VMP1: variants seen among roughly 807,000 people sequenced by gnomAD.
VMP1 encodes the protein ectopic P-granules autophagy protein 3 homolog.
Under a neutral mutation model 56.0 loss-of-function variants are expected in VMP1, and 11 were observed. The ratio of observed to expected loss-of-function variants is 0.20; its 90% CI spans 0.12 to 0.32. The LOEUF is 0.32. Among genes scored for constraint, VMP1 ranks in the 10% least tolerant of loss-of-function variants. VMP1 has a pLI of 1.00. For synonymous variants in VMP1, 149 were observed against 165.0 expected (o/e 0.90, Z 0.74); for missense variants, 296 against 490.3 (o/e 0.60, Z 3.74).
intron 1 of VMP1, among the ~76,000 whole-genome samples, chr17:59,718,268 C>T (rs2034250789): frequency 1.4e-5 from 2 of 141,428 alleles, no homozygotes; most frequent in Admixed American, 7.7e-5. Flanking sequence ...ACAATCTCAG[C>T]TCACTGCAAC....
rs1568157792 is a variant in VMP1 at position 59,792,873 on chromosome 17, A to ATT, written c.715-15923_715-15922insTT. 6.2e-4 allele frequency among the ~76,000 whole-genome samples: 28 copies of ATT among 44,802 alleles called. 1 individual carries two copies. The highest frequency in any genetic ancestry group is 1.3e-3 in the African/African-American group (27 of 21,270). 29.4% of individuals were successfully genotyped at this position (44,802 alleles called of 152,430 possible). ...CTCAAAAAATAATAATAATAATAAT[A>ATT]ATAATTATTATTATTATTATCAGAT... On this transcript the variant is annotated intron_variant, in intron 7 of 11. Transcript: ENST00000262291.
At chr17:59,776,051 A>G (rs1274587225) in intron 7 of VMP1, among the ~76,000 whole-genome samples, 3 of 152,068 alleles carry the variant, frequency 2.0e-5, no homozygotes, top group African/African-American at 7.2e-5. Context: ...CATCTCTACA[A>G]AAAATGAAAA....
chr17:59,777,164 T>C (rs2036645213), intron 7 of VMP1, among the ~76,000 whole-genome samples: 1 of 152,170 alleles, frequency 6.6e-6, no homozygotes. Context: ...CACAGTTGCT[T>C]CTGTCTTGGT....
intron 10 of VMP1, among the ~76,000 whole-genome samples, chr17:59,830,670 C>G (rs1260180034): frequency 6.6e-6 from 1 of 152,018 alleles, no homozygotes; most frequent in African/African-American, 2.4e-5. Flanking sequence ...ATGCTGAGAT[C>G]CTCAAAAAAG....
chr17:59,709,925 C>T (rs1186713038), intron 1 of VMP1, among the ~76,000 whole-genome samples: 4 of 152,064 alleles, frequency 2.6e-5, no homozygotes, highest in Non-Finnish European at 5.9e-5. Flanking sequence ...GGGCCGGGCG[C>T]GGTGGTTCAC....
chr17:59,750,923 C>T (rs923584817), intron 5 of VMP1, among the ~76,000 whole-genome samples: 1 of 143,018 alleles, frequency 7.0e-6, no homozygotes, highest in African/African-American at 2.6e-5. Context: ...TCCAAGATAG[C>T]ACCTTTTTTT....
chr17:59,742,118 C>T (rs1215966386), intron 5 of VMP1, among the ~76,000 whole-genome samples: 1 of 152,130 alleles, frequency 6.6e-6, no homozygotes, highest in African/African-American at 2.4e-5. Flanking sequence ...ATGAGATCCT[C>T]ACTTTATCCA....
intron 2 of VMP1, among the ~76,000 whole-genome samples, chr17:59,731,831 A>C (rs2034835969): frequency 6.6e-6 from 1 of 152,220 alleles, no homozygotes; most frequent in African/African-American, 2.4e-5. Flanking sequence ...TTCTAGAAGT[A>C]GATTATAAAC....
intron 7 of VMP1, among the ~76,000 whole-genome samples, chr17:59,777,754 C>T (rs998457319): frequency 6.6e-6 from 1 of 151,910 alleles, no homozygotes. Flanking sequence ...GCAGAGGTTG[C>T]GGTGAGCCAA....
chr17:59,789,476 A>G (rs547751688), intron 7 of VMP1, among the ~76,000 whole-genome samples: 39 of 151,982 alleles, frequency 2.6e-4, no homozygotes, highest in Non-Finnish European at 3.1e-4. Flanking sequence ...CGGAGGTTGC[A>G]GTGAGCCAAA....
intron 7 of VMP1, among the ~76,000 whole-genome samples, chr17:59,788,267 T>C (rs530419745): frequency 8.3e-4 from 126 of 151,706 alleles, no homozygotes; most frequent in African/African-American, 3.0e-3. Flanking sequence ...GGGGGACGGA[T>C]CACAAAGTCA....
chr17:59,808,573 T>C (rs1422102377), intron 7 of VMP1, among the ~76,000 whole-genome samples: 1 of 152,194 alleles, frequency 6.6e-6, no homozygotes, highest in African/African-American at 2.4e-5. Context: ...ATTTACAGTG[T>C]TTTGGTTTAT....
intron 5 of VMP1, among the ~76,000 whole-genome samples, chr17:59,755,171 G>A (rs1269684088): frequency 3.3e-5 from 5 of 151,146 alleles, no homozygotes; most frequent in Non-Finnish European, 5.9e-5. Context: ...GCAATGGCGC[G>A]ATCTTGGCTC....
intron 5 of VMP1, among the ~76,000 whole-genome samples, chr17:59,752,242 C>T (rs766244025): frequency 3.2e-4 from 49 of 152,182 alleles, no homozygotes; most frequent in Non-Finnish European, 5.1e-4. Context: ...TGAGTGAATG[C>T]GGCCGTTTTC....
intron 10 of VMP1, among the ~76,000 whole-genome samples, chr17:59,830,763 T>TC (rs2038781714): frequency 6.6e-6 from 1 of 152,222 alleles, no homozygotes; most frequent in South Asian, 2.1e-4. Flanking sequence ...CTTAGAGACT[T>TC]CAACTGCTTA....
At chr17:59,792,238 CT>C (rs1273450893) in intron 7 of VMP1, among the ~76,000 whole-genome samples, 1 of 152,120 alleles carries the variant, frequency 6.6e-6, no homozygotes, top group Non-Finnish European at 1.5e-5. Context: ...GATGGCACCA[CT>C]GCACTCCAGC....
At chr17:59,712,860 T>C (rs532103227) in intron 1 of VMP1, among the ~76,000 whole-genome samples, 5 of 152,230 alleles carry the variant, frequency 3.3e-5, no homozygotes, top group South Asian at 2.1e-4. Flanking sequence ...GTGTGAAGGA[T>C]GAATTGAAGC....
At chr17:59,741,365 T>C (rs962226999) in intron 5 of VMP1, among the ~76,000 whole-genome samples, 4 of 151,998 alleles carry the variant, frequency 2.6e-5, no homozygotes, top group Non-Finnish European at 5.9e-5. Context: ...CAGGAGGTGA[T>C]AGGAAGAATG....
chr17:59,749,702 G>A (rs898185005), intron 5 of VMP1, among the ~76,000 whole-genome samples: 1 of 151,860 alleles, frequency 6.6e-6, no homozygotes, highest in Non-Finnish European at 1.5e-5. Context: ...GTAGAGACGG[G>A]GTTTCACCAT....
Sources: allele counts gnomAD v4.1 joint callset (sites outside exome capture counted in the v4.1 genomes callset), GRCh38; gene constraint gnomAD v4.1.1; transcripts MANE v1.5; gene names NCBI Gene and HGNC (gene_info 2026-07-23, HGNC 2026-07-21).